MORN1: variants seen among roughly 807,000 people sequenced by gnomAD.
MORN1 encodes MORN repeat-containing protein 1.
Under a neutral mutation model 61.9 loss-of-function variants are expected in MORN1, and 67 were observed. That is an observed-to-expected ratio of 1.08 (90% CI 0.89 to 1.33). The LOEUF is 1.33. Ranked by LOEUF, MORN1 falls within the 40% of genes most tolerant of loss-of-function variation. The probability of loss-of-function intolerance (pLI) is 0.00; values close to 1 mark genes in which losing one functional copy is unlikely to be tolerated. For synonymous variants in MORN1, 301 were observed against 292.0 expected (o/e 1.03, Z -0.31); for missense variants, 752 against 691.2 (o/e 1.09, Z -0.99).
chr1:2,368,822 G>A (rs943390220), intron 8 of MORN1, among the ~76,000 whole-genome samples: 2 of 152,300 alleles, frequency 1.3e-5, no homozygotes, highest in South Asian at 4.1e-4. Flanking sequence ...ACTTTGGGAG[G>A]CTGAGGCGGG....
intron 10 of MORN1, chr1:2,352,594 CT>C (rs1641676003): frequency 6.6e-6 from 1 of 152,348 alleles, no homozygotes; most frequent in Admixed American, 6.5e-5. Flanking sequence ...GTCCTGCTCT[CT>C]GACTGTGGCC....
In MORN1 at chr1:2,334,537, G is replaced by A. The variant is rs774824522; in HGVS notation, c.1250+1932C>T. ...GGAGAGGCGGGGCTCCCTTGGGGGA[G>A]CAGGCCTGGTTTTGGGCTGCCTGTC... On this transcript the variant is annotated intron_variant, in intron 12 of 13. Transcript: ENST00000378531. This position sits in a 1 kb window ranked among gnomAD's most constrained non-coding sequence, Gnocchi z 5.4. 6.6e-6 allele frequency among the ~76,000 whole-genome samples: 1 copy of A among 152,028 alleles called. No individual in the cohort carries two copies. The highest frequency in any genetic ancestry group is 1.5e-5 in the Non-Finnish European group (1 of 67,960).
chr1:2,374,438 C>T (rs1227452232), intron 7 of MORN1, 23 bp downstream of exon 7: 1 of 1,558,804 alleles, frequency 6.4e-7, no homozygotes, highest in South Asian at 1.2e-5. Flanking sequence ...TCACAGTGCC[C>T]ACAGGAAGGC....
At chr1:2,341,318 C>T (rs539604438) in intron 10 of MORN1, among the ~76,000 whole-genome samples, 1 of 152,184 alleles carries the variant, frequency 6.6e-6, no homozygotes, top group African/African-American at 2.4e-5. Flanking sequence ...ACCTGCCCCC[C>T]AACATCACCC....
At chr1:2,366,461 A>C (rs946989045) in intron 8 of MORN1, among the ~76,000 whole-genome samples, 3 of 152,006 alleles carry the variant, frequency 2.0e-5, no homozygotes, top group African/African-American at 4.8e-5. Context: ...CAGGTACCTA[A>C]AACTTTAAGT....
Position 2,337,193 on chromosome 1 carries a change from C to A in MORN1, c.1037-343G>T, listed in dbSNP as rs183928575. 1.3e-5 allele frequency among the ~76,000 whole-genome samples: 2 copies of A among 152,206 alleles called. No individual in the cohort carries two copies. The highest frequency in any genetic ancestry group is 2.1e-4 in the South Asian group (1 of 4,832). ...GAGGCACTCGCTTCCAGGGTAGGGCCGGGACCGGGGCCCTGGCCGGAGAGG... is the reference window on the plus strand; with the variant it reads ...GAGGCACTCGCTTCCAGGGTAGGGCAGGGACCGGGGCCCTGGCCGGAGAGG... On this transcript the variant is annotated intron_variant, in intron 10 of 13. Coordinates refer to ENST00000378531, the MANE Select transcript of MORN1 (RefSeq NM_024848.3). This position sits in a 1 kb window ranked among gnomAD's most constrained non-coding sequence, Gnocchi z 5.7.
rs1451997199 is a variant in MORN1, at chr1:2,334,404, C to A, written c.1250+2065G>T. 6.6e-6 allele frequency among the ~76,000 whole-genome samples: 1 copy of A among 152,204 alleles called. No homozygotes were observed. Among genetic ancestry groups the A allele is most frequent in the Non-Finnish European group, 1.5e-5 (1 of 68,040 alleles). On this transcript the variant is annotated intron_variant, in intron 12 of 13. Coordinates refer to ENST00000378531, the MANE Select transcript of MORN1 (RefSeq NM_024848.3). This position sits in a 1 kb window ranked among gnomAD's most constrained non-coding sequence, Gnocchi z 5.4. ...CCTGCAAGTGTGCAGCCCTTCACCTCCATGCTGGGTTCTCAACCCAGGAGC... is the reference window on the plus strand; with the variant it reads ...CCTGCAAGTGTGCAGCCCTTCACCTACATGCTGGGTTCTCAACCCAGGAGC...
chr1:2,322,777 A>G, intron 13 of MORN1: 1 of 985,416 alleles, frequency 1.0e-6, no homozygotes, highest in Non-Finnish European at 1.2e-6. Context: ...CGGGGGGCCG[A>G]GAGCTCAGTG....
chr1:2,362,567 C>T (rs925097425), intron 8 of MORN1, among the ~76,000 whole-genome samples: 2 of 152,132 alleles, frequency 1.3e-5, no homozygotes, highest in African/African-American at 4.8e-5. Context: ...TCATGGGTAA[C>T]ACATGGGAGA....
intron 10 of MORN1, chr1:2,355,181 A>C: frequency 1.7e-6 from 2 of 1,202,062 alleles, no homozygotes; most frequent in Non-Finnish European, 2.1e-6. Context: ...GGCGCCCAGT[A>C]AGTATTTTTA....
intron 12 of MORN1, among the ~76,000 whole-genome samples, chr1:2,327,540 AGAAACACACAGAAACACT>A (rs1438750010): frequency 3.9e-5 from 6 of 152,264 alleles, no homozygotes; most frequent in African/African-American, 1.4e-4. Context: ...AGAGAAACAC[AGAAACACACAGAAACACT>A]GAAACACAGT....
At chr1:2,332,355 C>T (rs914362138) in intron 12 of MORN1, 16 of 342,484 alleles carry the variant, frequency 4.7e-5, no homozygotes, top group African/African-American at 1.3e-4. Flanking sequence ...GAGCATAGCC[C>T]GGCCACCCTG....
chr1:2,379,670 C>T (rs1485105965), intron 6 of MORN1, among the ~76,000 whole-genome samples: 1 of 152,158 alleles, frequency 6.6e-6, no homozygotes, highest in African/African-American at 2.4e-5. Context: ...GGTGGGCTTG[C>T]ATCTCAATTG....
At chr1:2,389,162 C>T (rs150569684) in intron 2 of MORN1, among the ~76,000 whole-genome samples, 3 of 151,706 alleles carry the variant, frequency 2.0e-5, no homozygotes, top group African/African-American at 4.8e-5. Flanking sequence ...AGAGCAGATA[C>T]AAAACTGCGT....
intron 13 of MORN1, chr1:2,322,275 C>T: frequency 1.0e-6 from 1 of 985,500 alleles, no homozygotes; most frequent in Non-Finnish European, 1.2e-6. Flanking sequence ...CTCCCCTCCC[C>T]TGAGCCTGCC....
intron 13 of MORN1, chr1:2,323,431 G>C: frequency 1.0e-6 from 1 of 985,428 alleles, no homozygotes; most frequent in Non-Finnish European, 1.2e-6. Context: ...CCAGGTGACA[G>C]AGAGGCTCCA....
At chr1:2,377,245 C>T (rs147674303) in intron 6 of MORN1, 5 of 152,610 alleles carry the variant, frequency 3.3e-5, no homozygotes, top group Non-Finnish European at 7.3e-5. Context: ...GGTCCACACC[C>T]AAAACACAGA....
intron 6 of MORN1, 83 bp downstream of exon 6, chr1:2,384,895 G>A (rs1411904848): frequency 3.3e-5 from 40 of 1,222,044 alleles, no homozygotes; most frequent in Non-Finnish European, 4.1e-5. Flanking sequence ...CTGCCAGGGT[G>A]AGGCTCCCCA....
Position 2,321,566 on chromosome 1 carries a change from G to A in MORN1, c.1311C>T (p.Leu437=), listed in dbSNP as rs1240326202. The change falls in exon 14 of 14, where the codon CTC becomes CTT. Residue 437 remains leucine, a synonymous_variant. Transcript: ENST00000378531. The stretch of plus-strand genomic sequence containing the variant: ...GCGGGGTGGTCACGTCGCGGATCAT[G>A]AGCACGTACTCCCCTGCAAGGGGCG... The part of the protein sequence containing the change: ...AAAAHLGEYV[L]MIRDVTTPPF... The A allele has an allele frequency of 6.6e-7, 1 of 1,512,876 alleles. No individual in the cohort carries two copies. Among genetic ancestry groups the A allele is most frequent in the Non-Finnish European group, 8.9e-7 (1 of 1,128,056 alleles). 93.7% of individuals were successfully genotyped at this position (1,512,876 alleles called of 1,614,324 possible).
Sources: gnomAD v4.1 joint callset for allele counts (sites outside exome capture counted in the v4.1 genomes callset) on GRCh38, gnomAD v4.1.1 for gene constraint, Gnocchi (gnomAD v3.1) non-coding constraint, MANE v1.5 for transcripts, NCBI Gene and HGNC (gene_info 2026-07-23, HGNC 2026-07-21) for gene names.